Variants in MYO16 observed in about 807,000 individuals in gnomAD.
The protein encoded by MYO16 is unconventional myosin-XVI.
MYO16 carries 94 observed loss-of-function variants against 205.3 expected under a neutral mutation model. The observed-to-expected ratio is 0.46, with a 90% CI of 0.39 to 0.54. The LOEUF (loss-of-function observed/expected upper bound fraction) is 0.54. Ranked by LOEUF, MYO16 falls within the 20% of genes least tolerant of loss-of-function variation. MYO16 has a pLI of 0.00. For synonymous variants in MYO16, 988 were observed against 954.0 expected (o/e 1.04, Z -0.66); for missense variants, 2,315 against 2,387.5 (o/e 0.97, Z 0.63).
intron 28 of MYO16, among the ~76,000 whole-genome samples, chr13:109,116,703 T>G (rs1259600831): frequency 1.3e-5 from 2 of 152,200 alleles, no homozygotes; most frequent in Non-Finnish European, 2.9e-5. Flanking sequence ...GCTTCCCCTT[T>G]TCCCTACTTC....
intron 9 of MYO16, among the ~76,000 whole-genome samples, chr13:108,830,618 G>C (rs1443321031): frequency 1.6e-5 from 2 of 128,142 alleles, no homozygotes; most frequent in African/African-American, 5.9e-5. Context: ...TGTGGGGTGG[G>C]GGGAGGGGGG....
chr13:108,693,470 T>C (rs1594214247), intron 2 of MYO16, among the ~76,000 whole-genome samples: 1 of 152,344 alleles, frequency 6.6e-6, no homozygotes, highest in East Asian at 1.9e-4. Context: ...ATATTTTATG[T>C]AAGAGAAATT....
intron 16 of MYO16, among the ~76,000 whole-genome samples, chr13:108,944,258 C>T (rs2139323030): frequency 6.6e-6 from 1 of 152,234 alleles, no homozygotes; most frequent in East Asian, 1.9e-4. Flanking sequence ...TTTGTCATTA[C>T]TTTTAATTAC....
At chr13:108,753,122 C>A (rs1306574909) in intron 4 of MYO16, among the ~76,000 whole-genome samples, 2 of 151,176 alleles carry the variant, frequency 1.3e-5, no homozygotes, top group Non-Finnish European at 2.9e-5. Flanking sequence ...GTAATCCCAG[C>A]ATTTTGGGAG....
Position 109,140,461 on chromosome 13 carries a change from G to T in MYO16, c.4249G>T (p.Ala1417Ser), listed in dbSNP as rs770951820. 11 of 1,539,088 alleles carry T rather than the reference G, an allele frequency of 7.1e-6. No individual in the cohort carries two copies. The Admixed American group carries it at 1.9e-4, about 27-fold the overall frequency. ...RVLTPGTPQCALPPAAPPGDE... is the reference protein window; with the variant it reads ...RVLTPGTPQCSLPPAAPPGDE... Reference sequence around the variant, plus strand: ...TCTGACCCCCGGGACTCCGCAGTGCGCGCTGCCCCCGGCGGCGCCTCCGGG... The same window carrying T: ...TCTGACCCCCGGGACTCCGCAGTGCTCGCTGCCCCCGGCGGCGCCTCCGGG... Residue 1417 changes from alanine to serine, a missense_variant, in exon 32 of 35, where the codon GCG (alanine) becomes TCG (serine). Physicochemically the swap from Ala to Ser is moderately conservative, Grantham distance 99. This residue lies in a region of MYO16 where 1,097 missense variants were observed against 1,092.0 expected (regional missense o/e 1.00). Coordinates refer to ENST00000457511, the MANE Select transcript of MYO16 (RefSeq NM_001198950.3). This position sits in a 1 kb window ranked among gnomAD's most constrained non-coding sequence, Gnocchi z 8.0.
intron 4 of MYO16, among the ~76,000 whole-genome samples, chr13:108,773,204 A>G (rs1886024143): frequency 6.6e-6 from 1 of 152,206 alleles, no homozygotes; most frequent in Admixed American, 6.5e-5. Flanking sequence ...TGACATCATA[A>G]TCCTGGAAGT....
chr13:109,181,142 A>G (rs1879434321), intron 34 of MYO16, among the ~76,000 whole-genome samples: 1 of 152,254 alleles, frequency 6.6e-6, no homozygotes, highest in South Asian at 2.1e-4. Flanking sequence ...GAGATGAGAA[A>G]GGTCATCGGG....
At chr13:109,057,616 T>C (rs1887455455) in intron 27 of MYO16, among the ~76,000 whole-genome samples, 1 of 152,102 alleles carries the variant, frequency 6.6e-6, no homozygotes, top group Non-Finnish European at 1.5e-5. Context: ...CTTCATAGTC[T>C]TCAGAGATGC....
intron 34 of MYO16, among the ~76,000 whole-genome samples, chr13:109,189,250 G>T (rs1361497347): frequency 6.6e-6 from 1 of 152,230 alleles, no homozygotes; most frequent in South Asian, 2.1e-4. Flanking sequence ...TCAAGGGTGG[G>T]TCTGCCTCTC....
At chr13:108,692,652 A>G (rs1015674900) in intron 2 of MYO16, among the ~76,000 whole-genome samples, 4 of 152,212 alleles carry the variant, frequency 2.6e-5, no homozygotes, top group Admixed American at 1.3e-4. Flanking sequence ...CACGGCGCAT[A>G]TCTTTCTACA....
chr13:108,739,337 G>A (rs1283203083), intron 4 of MYO16, among the ~76,000 whole-genome samples: 1 of 152,102 alleles, frequency 6.6e-6, no homozygotes, highest in African/African-American at 2.4e-5. Flanking sequence ...ACCTGGTGGT[G>A]ACAAAATCTC....
chr13:108,681,326 C>T (rs1353651527), intron 2 of MYO16, among the ~76,000 whole-genome samples: 2 of 152,240 alleles, frequency 1.3e-5, no homozygotes, highest in Admixed American at 6.5e-5. Context: ...AAAGGCTTTG[C>T]TCTTCACCCT....
chr13:109,016,472 A>G (rs1018487966), intron 22 of MYO16, among the ~76,000 whole-genome samples: 2 of 152,218 alleles, frequency 1.3e-5, no homozygotes, highest in African/African-American at 4.8e-5. Context: ...GTAGATGTCT[A>G]TTAGTTCTGC....
intron 2 of MYO16, among the ~76,000 whole-genome samples, chr13:108,677,117 G>T (rs1882249300): frequency 1.3e-5 from 2 of 152,006 alleles, no homozygotes; most frequent in African/African-American, 4.8e-5. Flanking sequence ...TCCATGTACT[G>T]TTCTAAGTGC....
At chr13:108,579,069 A>AT in the MYO16 span, among the ~76,000 whole-genome samples, 1 of 152,050 alleles carries the variant, frequency 6.6e-6, no homozygotes, top group Non-Finnish European at 1.5e-5. Context: ...TAATAATATG[A>AT]TTTTTTCCTT....
the MYO16 span, among the ~76,000 whole-genome samples, chr13:108,564,531 T>G: frequency 6.6e-6 from 1 of 152,148 alleles, no homozygotes; most frequent in Non-Finnish European, 1.5e-5. Context: ...TTTGAGCTCT[T>G]TATGTATTCT....
intron 34 of MYO16, among the ~76,000 whole-genome samples, chr13:109,180,042 T>A (rs1879391097): frequency 6.6e-6 from 1 of 152,214 alleles, no homozygotes; most frequent in Admixed American, 6.5e-5. Flanking sequence ...TGTGGTTTCA[T>A]GGCATGCATC....
intron 3 of MYO16, among the ~76,000 whole-genome samples, chr13:108,715,177 G>A (rs1207776427): frequency 6.6e-6 from 1 of 152,166 alleles, no homozygotes; most frequent in East Asian, 1.9e-4. Context: ...CGGCCACCTT[G>A]CTGCTCCTTC....
intron 22 of MYO16, 109 bp downstream of exon 22, chr13:109,009,158 G>A (rs1885508519): frequency 1.2e-6 from 1 of 855,802 alleles, no homozygotes; most frequent in Non-Finnish European, 1.7e-6. Context: ...CTTTATATGT[G>A]AGATTCTGCA....
Sources: allele counts gnomAD v4.1 joint callset (sites outside exome capture counted in the v4.1 genomes callset), GRCh38; gene constraint gnomAD v4.1.1; regional missense constraint gnomAD v4.1.1; non-coding constraint Gnocchi (gnomAD v3.1); transcripts MANE v1.5; gene names NCBI Gene and HGNC (gene_info 2026-07-23, HGNC 2026-07-21).